Variants in RAMP3 observed in about 807,000 individuals in gnomAD.
RAMP3 encodes the protein receptor activity-modifying protein 3.
Under a neutral mutation model 13.5 loss-of-function variants are expected in RAMP3, and 14 were observed. That is an observed-to-expected ratio of 1.04 (90% confidence interval 0.69 to 1.63). The LOEUF is 1.63. RAMP3 is among the 40% of genes most tolerant of loss of function. The probability of loss-of-function intolerance (pLI) is 0.00; values close to 1 mark genes in which losing one functional copy is unlikely to be tolerated. For synonymous variants in RAMP3, 106 were observed against 88.3 expected, an observed-to-expected ratio of 1.20 and a Z score of -1.12; for missense variants, 200 against 204.8, an observed-to-expected ratio of 0.98 and a Z score of 0.14.
At chr7:45,177,016 AAGG>A (rs1236036246) in intron 1 of RAMP3, among the ~76,000 whole-genome samples, 1 of 152,192 alleles carries the variant, frequency 6.6e-6, no homozygotes, top group Non-Finnish European at 1.5e-5. Context: ...ACCACCTCCC[AAGG>A]AGTTTGGCCC....
In RAMP3 at chr7:45,158,423, C is replaced by T. The variant is rs527444058; in HGVS notation, c.58+537C>T. On this transcript the variant is annotated intron_variant, in intron 1 of 2. Transcript: ENST00000242249. ...GAACTGGCTGAGAGGGGAAGCGGGG[C>T]GACTCTCTGAGCCATCCTCTCCTAA... 9.8e-5 allele frequency among the ~76,000 whole-genome samples: 15 copies of T among 152,334 alleles called. No individual in the cohort carries two copies. In the South Asian group the frequency reaches 2.7e-3, roughly 27 times the overall value.
At chr7:45,179,152 T>C (rs955552000) in intron 2 of RAMP3, among the ~76,000 whole-genome samples, 2 of 152,148 alleles carry the variant, frequency 1.3e-5, no homozygotes, top group Non-Finnish European at 2.9e-5. Context: ...AGAGGGAGGC[T>C]GGAGAGAGCG....
chr7:45,176,595 C>T (rs118013232), intron 1 of RAMP3, among the ~76,000 whole-genome samples: 1 of 152,036 alleles, frequency 6.6e-6, no homozygotes, highest in East Asian at 1.9e-4. Context: ...CCCTGAAGGA[C>T]AGGGGGCATT....
At chr7:45,158,709 CCA>C (rs1490294822) in intron 1 of RAMP3, among the ~76,000 whole-genome samples, 1 of 152,226 alleles carries the variant, frequency 6.6e-6, no homozygotes, top group South Asian at 2.1e-4. Flanking sequence ...CTGGTGGTCC[CCA>C]GTTTCCCTGG....
In RAMP3 at chr7:45,177,182, G is replaced by T. The variant is rs1402764864; in HGVS notation, c.59-127G>T. 7.9e-6 allele frequency: 10 copies of T among 1,261,018 alleles called. No homozygotes were observed. The Admixed American group carries it at 2.1e-4, about 27-fold the overall frequency. 78.1% of individuals were successfully genotyped at this position (1,261,018 alleles called of 1,614,324 possible). A position where few individuals can be genotyped will look rare whatever the true frequency, so the allele number is the denominator to read the frequency against. Reference sequence around the variant, plus strand: ...GGGTGGAGGGTGAAGGACTCCGCTGGAACGGTCTCAGGCTTGCAAACGGAG... The same window carrying T: ...GGGTGGAGGGTGAAGGACTCCGCTGTAACGGTCTCAGGCTTGCAAACGGAG... On this transcript the variant is annotated intron_variant, in intron 1 of 2. Transcript: ENST00000242249.
intron 1 of RAMP3, among the ~76,000 whole-genome samples, chr7:45,164,313 C>T (rs1327925730): frequency 6.6e-6 from 1 of 152,170 alleles, no homozygotes; most frequent in Non-Finnish European, 1.5e-5. Context: ...CTTTGGGAGG[C>T]CAAGGCGAGA....
intron 1 of RAMP3, among the ~76,000 whole-genome samples, chr7:45,173,041 C>T (rs1267733742): frequency 6.6e-6 from 1 of 152,192 alleles, no homozygotes; most frequent in Non-Finnish European, 1.5e-5. Flanking sequence ...GTTTATGGGG[C>T]CTTTCATTAG....
chr7:45,174,688 G>T (rs1237309294), intron 1 of RAMP3, among the ~76,000 whole-genome samples: 1 of 152,066 alleles, frequency 6.6e-6, no homozygotes, highest in Non-Finnish European at 1.5e-5. Context: ...CCCCTATATG[G>T]CCTGTGCATC....
At chr7:45,169,952 G>T (rs1786047306) in intron 1 of RAMP3, among the ~76,000 whole-genome samples, 1 of 152,172 alleles carries the variant, frequency 6.6e-6, no homozygotes, top group African/African-American at 2.4e-5. Flanking sequence ...TTAGGAATTT[G>T]TCCATTTCAT....
chr7:45,183,314 G>A lies in RAMP3; in HGVS notation c.349G>A (p.Glu117Lys), dbSNP rs756936620. 1.9e-5 allele frequency: 31 copies of A among 1,613,952 alleles called. No individual in the cohort carries two copies. The highest frequency in any genetic ancestry group is 6.7e-5 in the African/African-American group (5 of 74,934). Residue 117 changes from glutamate to lysine, a missense_variant, in exon 3 of 3, where the codon GAG becomes AAG. Transcript: ENST00000242249. ...DRVHLEDPPD[E>K]VLIPLIVIPV... ...GGTCCACTTGGAGGACCCCCCAGAC[G>A]AGGTTCTCATCCCGCTGATCGTTAT...
In RAMP3 at chr7:45,183,579, C is replaced by T; in HGVS notation, c.*167C>T. On this transcript the variant is annotated 3_prime_UTR_variant, in exon 3 of 3. Coordinates refer to ENST00000242249, the MANE Select transcript of RAMP3 (RefSeq NM_005856.3). The stretch of plus-strand genomic sequence containing the variant: ...GCTGACCTGCTCCCTCGAGGCCAGC[C>T]TGCTCCCTGGCTGAGGCTCAGGCTA... 1 of 977,842 alleles carries T rather than the reference C, an allele frequency of 1.0e-6. No homozygotes were observed. The highest frequency in any genetic ancestry group is 1.5e-6 in the Non-Finnish European group (1 of 665,740). 60.6% of individuals were successfully genotyped at this position (977,842 alleles called of 1,614,324 possible).
At position 45,178,766 on chromosome 7, in the gene RAMP3, C is replaced by T. The variant is rs77042325; in HGVS notation, c.191+1325C>T. 7.3e-3 allele frequency among the ~76,000 whole-genome samples: 1,110 copies of T among 152,330 alleles called. 19 individuals carry two copies. The highest frequency in any genetic ancestry group is 0.025 in the African/African-American group (1,052 of 41,572). ...TTCTGGTCTTGCTCCTCTCTGTAACCCGCTAAAGCCTTGGTAAAGAGACTA... is the reference window on the plus strand; with the variant it reads ...TTCTGGTCTTGCTCCTCTCTGTAACTCGCTAAAGCCTTGGTAAAGAGACTA... On this transcript the variant is annotated intron_variant, in intron 2 of 2. Transcript: ENST00000242249.
intron 1 of RAMP3, among the ~76,000 whole-genome samples, chr7:45,172,980 A>G (rs940160148): frequency 1.3e-5 from 2 of 152,134 alleles, no homozygotes; most frequent in African/African-American, 4.8e-5. Flanking sequence ...CATTCCTCCT[A>G]CTTGGCCGAG....
At chr7:45,165,499 GA>G (rs1346332834) in intron 1 of RAMP3, among the ~76,000 whole-genome samples, 5 of 152,044 alleles carry the variant, frequency 3.3e-5, no homozygotes, top group Non-Finnish European at 7.4e-5. Context: ...TTGTATGTTT[GA>G]AAAAGTTTTT....
intron 1 of RAMP3, among the ~76,000 whole-genome samples, chr7:45,158,877 C>T (rs560040058): frequency 6.6e-6 from 1 of 152,236 alleles, no homozygotes; most frequent in East Asian, 1.9e-4. Flanking sequence ...AGGGCTGGAG[C>T]CTAGGATGTG....
chr7:45,164,621 T>C (rs1785923321), intron 1 of RAMP3, among the ~76,000 whole-genome samples: 1 of 152,256 alleles, frequency 6.6e-6, no homozygotes, highest in Non-Finnish European at 1.5e-5. Context: ...TTGCCTTGTG[T>C]GTTTTGATGC....
chr7:45,173,780 CA>C (rs1475137095), intron 1 of RAMP3, among the ~76,000 whole-genome samples: 3 of 152,210 alleles, frequency 2.0e-5, no homozygotes, highest in Non-Finnish European at 4.4e-5. Context: ...TCATCCAGGG[CA>C]CCTGCTTTCC....
chr7:45,177,266 A>G (rs751879080), intron 1 of RAMP3, 43 bp from the exon 2 acceptor site: 2 of 1,612,152 alleles, frequency 1.2e-6, no homozygotes, highest in South Asian at 2.2e-5. Context: ...TGGCATCCCC[A>G]GTGTGAACTG....
chr7:45,183,707 C>T lies in RAMP3; in HGVS notation c.*295C>T, dbSNP rs553076008. On this transcript the variant is annotated 3_prime_UTR_variant, in exon 3 of 3. Coordinates refer to ENST00000242249, the MANE Select transcript of RAMP3 (RefSeq NM_005856.3). ...AAATCACCTGCTGCATCCTGTGCTC[C>T]GCAGGCTGGGCCGGAGCCTCTGCCC... 42 of 579,230 alleles carry T rather than the reference C, an allele frequency of 7.3e-5. No individual in the cohort carries two copies. Among genetic ancestry groups the T allele is most frequent in the East Asian group, 2.8e-4 (10 of 35,138 alleles). The allele number at this position is 579,230 out of a possible 1,614,324, so 35.9% of individuals were successfully genotyped here. A position where few individuals can be genotyped will look rare whatever the true frequency, so the allele number is the denominator to read the frequency against.
Sources: allele counts gnomAD v4.1 joint callset (sites outside exome capture counted in the v4.1 genomes callset), GRCh38; gene constraint gnomAD v4.1.1; transcripts MANE v1.5; gene names NCBI Gene and HGNC (gene_info 2026-07-23, HGNC 2026-07-21).